The following PLCZ1 variants were observed in gnomAD, a reference collection of about 807,000 sequenced individuals.
PLCZ1 encodes the protein phospholipase C zeta 1.
PLCZ1 carries 64 observed loss-of-function variants against 76.8 expected under a neutral mutation model. The ratio of observed to expected loss-of-function variants is 0.83; its 90% confidence interval spans 0.68 to 1.03. The LOEUF (loss-of-function observed/expected upper bound fraction) is 1.03. PLCZ1 is among the 50% of genes least tolerant of loss of function. The pLI is 0.00. For missense variants in PLCZ1, 751 were observed against 713.7 expected, an observed-to-expected ratio of 1.05 and a Z score of -0.60; for synonymous variants, 248 against 230.8, an observed-to-expected ratio of 1.07 and a Z score of -0.68.
chr12:18,715,090 C>A (rs1242370545), intron 5 of PLCZ1, among the ~76,000 whole-genome samples: 3 of 147,416 alleles, frequency 2.0e-5, no homozygotes, highest in African/African-American at 7.5e-5. Context: ...AAGAGCATAG[C>A]TGAGAACAGA....
chr12:18,709,243 G>GT (rs35736491), intron 6 of PLCZ1, among the ~76,000 whole-genome samples: 44,573 of 151,864 alleles, frequency 0.29, 6,863 homozygotes, highest in East Asian at 0.48. Flanking sequence ...TCGAAATTCA[G>GT]TTTTTTCAGT....
chr12:18,696,322 C>CTATATATATATATATATATATATA lies in PLCZ1; in HGVS notation c.1175-80_1175-57dup, dbSNP rs71440372. 4.8e-3 allele frequency: 1,290 copies of CTATATATATATATATATATATATA among 267,234 alleles called. 87 individuals carry two copies. The highest frequency in any genetic ancestry group is 0.015 in the African/African-American group (242 of 16,312). 16.6% of individuals were successfully genotyped at this position (267,234 alleles called of 1,614,324 possible). On this transcript the variant is annotated intron_variant, in intron 10 of 14. Coordinates refer to ENST00000266505, the MANE Select transcript of PLCZ1 (RefSeq NM_033123.4). ...GAATTCAAATAAATTTAAAAAGCCA[C>CTATATATATATATATATATATATA]TATATATATATATATATATATATAT...
the PLCZ1 span, among the ~76,000 whole-genome samples, chr12:18,661,916 C>T: frequency 2.6e-5 from 4 of 152,120 alleles, no homozygotes; most frequent in Admixed American, 2.0e-4. Flanking sequence ...TACACATACA[C>T]CATGAAATAC....
intron 5 of PLCZ1, among the ~76,000 whole-genome samples, chr12:18,715,056 A>G: frequency 6.6e-6 from 1 of 151,368 alleles, no homozygotes; most frequent in African/African-American, 2.4e-5. Flanking sequence ...CTTTCTAGGG[A>G]GATGACCCAA....
chr12:18,724,855 A>C (rs1958663099), intron 3 of PLCZ1, among the ~76,000 whole-genome samples: 1 of 152,146 alleles, frequency 6.6e-6, no homozygotes, highest in African/African-American at 2.4e-5. Flanking sequence ...TATGTAAATA[A>C]AAAATTATGG....
At position 18,701,823 on chromosome 12, in the gene PLCZ1, T is replaced by C. The variant is rs375113807; in HGVS notation, c.865-47A>G. The C allele has an allele frequency of 1.3e-4, 205 of 1,559,304 alleles. No homozygotes were observed. The African/African-American group carries it at 2.6e-3, about 20-fold the overall frequency. On this transcript the variant is annotated intron_variant, in intron 7 of 14. Coordinates refer to ENST00000266505, the MANE Select transcript of PLCZ1 (RefSeq NM_033123.4). ...TACAATTACACATTTACAAGTAAAT[T>C]TGCATTGTAACAGTCACTGAAAAGT...
rs1449492009 is a variant in PLCZ1, at chr12:18,684,130, C to A, written c.1741G>T (p.Gly581Cys). 6.2e-7 allele frequency: 1 copy of A among 1,611,102 alleles called. No individual in the cohort carries two copies. ...ATCATCTAACTTTTAGGGACATTAC[C>A]TTTGTTCATGCATAGAAGTGGCAAA... ...YTLPLLCMNK[G>C]YRRIPLFSRM... Residue 581 changes from glycine to cysteine, a missense_variant and splice_region_variant, in exon 14 of 15, where the codon GGT becomes TGT. By Grantham distance (159) the Gly-to-Cys change is radical. Transcript: ENST00000266505.
rs1357142867 is a variant in PLCZ1, at chr12:18,737,917, C to T, written c.-139+15G>A. 4 of 296,164 alleles carry T rather than the reference C, an allele frequency of 1.4e-5. No homozygotes were observed. Among genetic ancestry groups the T allele is most frequent in the Middle Eastern group, 1.1e-3 (1 of 950 alleles). The allele number at this position is 296,164 out of a possible 1,614,324, so 18.3% of individuals were successfully genotyped here. On this transcript the variant is annotated intron_variant, in intron 1 of 14. Transcript: ENST00000266505. ...TCTAGATCGTTGACAACATATAATG[C>T]ACACAGAGACACACCACTTTCGAAG...
chr12:18,726,426 A>G (rs1958755468), intron 3 of PLCZ1, among the ~76,000 whole-genome samples: 1 of 152,198 alleles, frequency 6.6e-6, no homozygotes, highest in South Asian at 2.1e-4. Context: ...GAAATACACC[A>G]TATGCTTCAA....
intron 4 of PLCZ1, among the ~76,000 whole-genome samples, chr12:18,722,834 C>T (rs1325247375): frequency 6.6e-6 from 1 of 151,800 alleles, no homozygotes; most frequent in Non-Finnish European, 1.5e-5. Flanking sequence ...TATTTATAAA[C>T]AAAGTAAAAT....
downstream of PLCZ1, among the ~76,000 whole-genome samples, chr12:18,679,222 C>T (rs890205400): frequency 2.0e-5 from 3 of 151,658 alleles, no homozygotes; most frequent in Admixed American, 6.6e-5. Context: ...GGATATAAGT[C>T]CTTTGATATA....
intron 5 of PLCZ1, among the ~76,000 whole-genome samples, chr12:18,718,021 T>C (rs1048786204): frequency 6.6e-6 from 1 of 152,038 alleles, no homozygotes; most frequent in African/African-American, 2.4e-5. Context: ...CAACCAAAAC[T>C]CTATGGTGTC....
chr12:18,712,679 C>T (rs1957481232), intron 6 of PLCZ1, among the ~76,000 whole-genome samples, 163 bp downstream of exon 6: 1 of 152,140 alleles, frequency 6.6e-6, no homozygotes, highest in African/African-American at 2.4e-5. Flanking sequence ...GATAAATCTA[C>T]CTTTAACTAT....
At position 18,701,686 on chromosome 12, in the gene PLCZ1, C is replaced by T; in HGVS notation, c.949+6G>A. The T allele has an allele frequency of 6.2e-7, 1 of 1,612,888 alleles. No homozygotes were observed. The highest frequency in any genetic ancestry group is 8.5e-7 in the Non-Finnish European group (1 of 1,179,570). ...GCCACTTCTTCTTCCCATTCCTCCACCTTACCACGCTTATCAGAACCTTTT... is the reference window on the plus strand; with the variant it reads ...GCCACTTCTTCTTCCCATTCCTCCATCTTACCACGCTTATCAGAACCTTTT... On this transcript the variant is annotated splice_donor_region_variant and intron_variant, in intron 8 of 14. Transcript: ENST00000266505.
chr12:18,661,071 T>C, the PLCZ1 span, among the ~76,000 whole-genome samples: 1 of 152,074 alleles, frequency 6.6e-6, no homozygotes, highest in African/African-American at 2.4e-5. Flanking sequence ...GAAGAATTGA[T>C]GAACTTGAGG....
the PLCZ1 span, among the ~76,000 whole-genome samples, chr12:18,671,900 A>G: frequency 6.6e-6 from 1 of 152,242 alleles, no homozygotes; most frequent in South Asian, 2.1e-4. Context: ...CTCATCTCCC[A>G]TATATAGCAC....
intron 5 of PLCZ1, among the ~76,000 whole-genome samples, chr12:18,718,630 C>A (rs1958238162): frequency 6.6e-6 from 1 of 152,094 alleles, no homozygotes. Flanking sequence ...ACTCATGCCA[C>A]AACTATTTCT....
In PLCZ1 at chr12:18,699,647, G is replaced by A. The variant is rs1424570469; in HGVS notation, c.1174+147C>T. 10 of 814,732 alleles carry A rather than the reference G, an allele frequency of 1.2e-5. No homozygotes were observed. In the African/African-American group the frequency reaches 1.7e-4, roughly 14 times the overall value. 50.5% of individuals were successfully genotyped at this position (814,732 alleles called of 1,614,324 possible). ...TGAAATAAAACTTAATGAGACCTGA[G>A]GTATGTAACCCCATTCTAAATTATG... On this transcript the variant is annotated intron_variant, in intron 10 of 14. Coordinates refer to ENST00000266505, the MANE Select transcript of PLCZ1 (RefSeq NM_033123.4).
Position 18,701,731 on chromosome 12 carries a change from A to C in PLCZ1, c.910T>G (p.Leu304Val). The C allele has an allele frequency of 6.2e-7, 1 of 1,612,102 alleles. No individual in the cohort carries two copies. The highest frequency in any genetic ancestry group is 2.2e-5 in the East Asian group (1 of 44,756). The change falls in exon 8 of 15, where the codon TTA becomes GTA. Residue 304 changes from leucine (L) to valine (V), a missense_variant. Transcript: ENST00000266505. ...CCTTTTCTTTCATGGGTTTCCTTTA[A>C]GGTTCCTATTTTCTTATTTTTAACT... ...ILVKNKKIGT[L>V]KETHERKGSD...
Sources: gnomAD v4.1 joint callset for allele counts (sites outside exome capture counted in the v4.1 genomes callset) on GRCh38, gnomAD v4.1.1 for gene constraint, MANE v1.5 for transcripts, NCBI Gene and HGNC (gene_info 2026-07-23, HGNC 2026-07-21) for gene names.